POLRMT: variants seen among roughly 807,000 people sequenced by gnomAD.
POLRMT encodes the protein RNA polymerase mitochondrial.
Under a neutral mutation model 132.2 loss-of-function variants are expected in POLRMT, and 114 were observed. The ratio of observed to expected loss-of-function variants is 0.86; its 90% CI spans 0.74 to 1.01. The LOEUF is 1.01. Ranked by LOEUF, POLRMT falls within the 50% of genes least tolerant of loss-of-function variation. The probability of loss-of-function intolerance (pLI) is 0.00; values close to 1 mark genes in which losing one functional copy is unlikely to be tolerated. For missense variants in POLRMT, 2,003 were observed against 1,729.1 expected, an observed-to-expected ratio of 1.16 and a Z score of -2.81; for synonymous variants, 1,020 against 773.4, an observed-to-expected ratio of 1.32 and a Z score of -5.29.
intron 3 of POLRMT, among the ~76,000 whole-genome samples, chr19:629,236 C>T (rs1005884331): frequency 6.6e-5 from 10 of 152,042 alleles, no homozygotes; most frequent in Non-Finnish European, 1.3e-4. Context: ...CTCATCCTGA[C>T]GAGGGCTCTG....
At chr19:624,683 A>G (rs2285853) in intron 5 of POLRMT, 36 bp downstream of exon 5, 790,287 of 1,591,452 alleles carry the variant, frequency 0.5, 202,322 homozygotes, top group South Asian at 0.74. Context: ...GGGCAGCTAT[A>G]AGGACTGAAG....
chr19:618,517 G>A lies in POLRMT; in HGVS notation c.3393C>T (p.His1131=), dbSNP rs1193115271. The part of the protein sequence containing the change: ...PNFIHSLDSS[H]MMLTALHCYR... The stretch of plus-strand genomic sequence containing the variant: ...AGCAGTGCAGGGCGGTGAGCATCAT[G>A]TGGGAGGAGTCCAGCGAGTGGATGA... The change falls in exon 17 of 21, where the codon CAC becomes CAT. Residue 1131 remains histidine (H), a synonymous_variant. Transcript: ENST00000588649. 33 of 1,612,894 alleles carry A rather than the reference G, an allele frequency of 2.0e-5. No homozygotes were observed. Among genetic ancestry groups the A allele is most frequent in the Non-Finnish European group, 2.6e-5 (31 of 1,179,346 alleles).
rs759788938 is a variant in POLRMT at position 619,644 on chromosome 19, C to T, written c.3008G>A (p.Arg1003His). ...CTCAATCTGCAGGCGCCCGCCATAGCGCGTGACCCCGTACACCACCGTCAT... is the reference window on the plus strand; with the variant it reads ...CTCAATCTGCAGGCGCCCGCCATAGTGCGTGACCCCGTACACCACCGTCAT... ...TVMTVVYGVT[R>H]YGGRLQIEKR... Residue 1003 changes from arginine to histidine, a missense_variant, in exon 13 of 21, where the codon CGC (arginine) becomes CAC (histidine). Arg to His is a conservative substitution (Grantham distance 29). Transcript: ENST00000588649. The T allele has an allele frequency of 5.6e-6, 9 of 1,610,702 alleles. No homozygotes were observed. Among genetic ancestry groups the T allele is most frequent in the African/African-American group, 2.7e-5 (2 of 74,848 alleles).
In POLRMT at chr19:617,354, T is replaced by C. The variant is rs201291168; in HGVS notation, c.3644-31A>G. On this transcript the variant is annotated intron_variant, in intron 20 of 20. Transcript: ENST00000588649. ...GAGGAAGCAGAGCGGACGGCGTGGGTGGCGGGAAAGCCCCGCCCTGGCCCG... is the reference window on the plus strand; with the variant it reads ...GAGGAAGCAGAGCGGACGGCGTGGGCGGCGGGAAAGCCCCGCCCTGGCCCG... 936 of 1,612,466 alleles carry C rather than the reference T, an allele frequency of 5.8e-4. 7 individuals are homozygous for C. The highest frequency in any genetic ancestry group is 4.5e-3 in the South Asian group (410 of 91,064).
Position 621,191 on chromosome 19 carries a change from TGCGGGCCGA to T in POLRMT, c.2498_2506del (p.Leu833_Pro835del), listed in dbSNP as rs774972317. On this transcript the variant is annotated inframe_deletion, in exon 10 of 21. Transcript: ENST00000588649. Reference sequence around the variant, plus strand: ...GTGGATCTTGAGCCAATCCAGGCCGTGCGGGCCGAGCGGGCGGCCCTGGGCGAACTCCAG... The same window carrying T: ...GTGGATCTTGAGCCAATCCAGGCCGTGCGGGCGGCCCTGGGCGAACTCCAG... 1.2e-5 allele frequency: 19 copies of T among 1,610,220 alleles called. No individual in the cohort carries two copies. Among genetic ancestry groups the T allele is most frequent in the African/African-American group, 2.7e-5 (2 of 74,634 alleles).
In POLRMT at chr19:618,509, A is replaced by C. The variant is rs1306831089; in HGVS notation, c.3401T>G (p.Leu1134Arg). ...CCACCTGTAGCAGTGCAGGGCGGTG[A>C]GCATCATGTGGGAGGAGTCCAGCGA... ...IHSLDSSHMM[L>R]TALHCYRKGL... The change falls in exon 17 of 21, where the codon CTC becomes CGC. Residue 1134 changes from leucine (L) to arginine (R), a missense_variant. By Grantham distance (102) the Leu-to-Arg change is moderately radical. Coordinates refer to ENST00000588649, the MANE Select transcript of POLRMT (RefSeq NM_005035.4). The C allele has an allele frequency of 1.9e-6, 3 of 1,612,288 alleles. No homozygotes were observed. The highest frequency in any genetic ancestry group is 1.7e-5 in the Admixed American group (1 of 59,920).
intron 3 of POLRMT, 109 bp downstream of exon 3, chr19:629,431 A>C: frequency 2.6e-6 from 3 of 1,136,988 alleles, no homozygotes; most frequent in Middle Eastern, 3.3e-4. Flanking sequence ...TAAAATAAAA[A>C]ACAAAGGACT....
intron 3 of POLRMT, among the ~76,000 whole-genome samples, chr19:626,202 G>A (rs1239065278): frequency 6.6e-6 from 1 of 151,898 alleles, no homozygotes. Context: ...CCAGGCTGGA[G>A]TGCAGTGGCG....
rs1984247045 is a variant in POLRMT at position 618,879 on chromosome 19, G to GGGTGGCACACTGGGGC, written c.3267+102_3267+117dup. ...GATGGTGGCACACTGGCGCGGGATG[G>GGGTGGCACACTGGGGC]GGTGGCACACTGGGGCGGTGGTACA... On this transcript the variant is annotated intron_variant, in intron 15 of 20. Transcript: ENST00000588649. The GGGTGGCACACTGGGGC allele has an allele frequency of 5.1e-6, 7 of 1,373,092 alleles. No homozygotes were observed. The South Asian group carries it at 9.0e-5, about 18-fold the overall frequency. 85.1% of individuals were successfully genotyped at this position (1,373,092 alleles called of 1,614,324 possible).
intron 3 of POLRMT, among the ~76,000 whole-genome samples, chr19:627,082 C>A (rs1191959766): frequency 6.6e-6 from 1 of 151,550 alleles, no homozygotes; most frequent in Non-Finnish European, 1.5e-5. Context: ...CATAGTCCTG[C>A]AGCTGAAGAC....
intron 16 of POLRMT, 22 bp from the exon 17 acceptor site, chr19:618,608 G>A: frequency 1.2e-6 from 2 of 1,603,606 alleles, no homozygotes; most frequent in Non-Finnish European, 1.7e-6. Context: ...ACAGGTGCCG[G>A]TGGGGGCGGC....
At position 618,508 on chromosome 19, in the gene POLRMT, G is replaced by C. The variant is rs141105845; in HGVS notation, c.3402C>G (p.Leu1134=). Residue 1134 remains leucine (L), a synonymous_variant, in exon 17 of 21, where the codon CTC becomes CTG. Transcript: ENST00000588649. ...CCCACCTGTAGCAGTGCAGGGCGGT[G>C]AGCATCATGTGGGAGGAGTCCAGCG... ...IHSLDSSHMM[L]TALHCYRKGL... is the part of the protein sequence containing the mutation. 19 of 1,612,284 alleles carry C rather than the reference G, an allele frequency of 1.2e-5. No individual in the cohort carries two copies. The African/African-American group carries it at 2.0e-4, about 17-fold the overall frequency.
rs1984940237 is a variant in POLRMT, at chr19:625,214, T to C, written c.863A>G (p.Lys288Arg). 1.2e-6 allele frequency: 2 copies of C among 1,613,958 alleles called. No individual in the cohort carries two copies. The highest frequency in any genetic ancestry group is 1.7e-5 in the Admixed American group (1 of 60,008). The change falls in exon 4 of 21, where the codon AAG becomes AGG. Residue 288 changes from lysine (K) to arginine (R), a missense_variant. By Grantham distance (26) the Lys-to-Arg change is conservative. Transcript: ENST00000588649. ...KELVYVLFMV[K>R]DAGLTPDLLS... ...CAGGTCCGGAGTCAAGCCGGCATCC[T>C]TCACCATGAATAACACATATACCAG...
In POLRMT at chr19:629,793, T is replaced by G. The variant is rs1568176070; in HGVS notation, c.569A>C (p.Gln190Pro). ...RQAPESPWEE[Q>P]LARLLQEAPG... ...GGCCTCCTGCAGCAGCCGGGCCAGCTGCTCCTCCCAGGGGCTCTCGGGGGC... is the reference window on the plus strand; with the variant it reads ...GGCCTCCTGCAGCAGCCGGGCCAGCGGCTCCTCCCAGGGGCTCTCGGGGGC... Residue 190 changes from glutamine (Q) to proline (P), a missense_variant, in exon 3 of 21, where the codon CAG (glutamine) becomes CCG (proline). Physicochemically the swap from Gln to Pro is moderately conservative, Grantham distance 76. Coordinates refer to ENST00000588649, the MANE Select transcript of POLRMT (RefSeq NM_005035.4). 1 of 1,574,186 alleles carries G rather than the reference T, an allele frequency of 6.4e-7. No individual in the cohort carries two copies. The highest frequency in any genetic ancestry group is 8.6e-7 in the Non-Finnish European group (1 of 1,160,964).
chr19:622,587 C>G lies in POLRMT; in HGVS notation c.1621G>C (p.Ala541Pro). ...AGAGGGGGTGCGAGCCTCACCTCGG[C>G]GTCGGAGGCCAGCAAGCAGAGGTAC... ...RKYLCLLASD[A>P]EVPEPCLPRQ... The change falls in exon 8 of 21, where the codon GCC (alanine) becomes CCC (proline). Residue 541 changes from alanine (A) to proline (P), a missense_variant. Coordinates refer to ENST00000588649, the MANE Select transcript of POLRMT (RefSeq NM_005035.4). 1 of 1,599,632 alleles carries G rather than the reference C, an allele frequency of 6.3e-7. No individual in the cohort carries two copies. The highest frequency in any genetic ancestry group is 8.5e-7 in the Non-Finnish European group (1 of 1,173,142).
chr19:624,949 C>A (rs1336814896), intron 4 of POLRMT, 44 bp from the exon 5 acceptor site: 2 of 1,571,682 alleles, frequency 1.3e-6, no homozygotes, highest in South Asian at 1.2e-5. Flanking sequence ...CAGCCCCACG[C>A]TGGGCTTCCA....
chr19:631,291 G>A (rs1053987082), intron 2 of POLRMT, among the ~76,000 whole-genome samples: 4 of 145,546 alleles, frequency 2.7e-5, no homozygotes, highest in African/African-American at 5.0e-5. Context: ...TCAGGCCACC[G>A]TGCTGCAGCC....
In POLRMT at chr19:630,186, C is replaced by CGAG. The variant is rs1395245145; in HGVS notation, c.194-21_194-19dup. ...CTGGAGCACTGTGAGGGGCAGAAGG[C>CGAG]GAGGACATGAGAGGGACCCCCTCCC... On this transcript the variant is annotated intron_variant, in intron 2 of 20. Coordinates refer to ENST00000588649, the MANE Select transcript of POLRMT (RefSeq NM_005035.4). 3 of 1,564,706 alleles carry CGAG rather than the reference C, an allele frequency of 1.9e-6. No homozygotes were observed. The African/African-American group carries it at 4.1e-5, about 21-fold the overall frequency.
In POLRMT at chr19:632,868, G is replaced by C. The variant is rs1250384568; in HGVS notation, c.159C>G (p.Arg53=). 2 of 1,553,408 alleles carry C rather than the reference G, an allele frequency of 1.3e-6. No homozygotes were observed. The highest frequency in any genetic ancestry group is 1.7e-6 in the Non-Finnish European group (2 of 1,152,842). The change falls in exon 2 of 21, where the codon CGC becomes CGG. Residue 53 remains arginine, a synonymous_variant. Coordinates refer to ENST00000588649, the MANE Select transcript of POLRMT (RefSeq NM_005035.4). ...SASPQEQDQD[R]RKDWGHVELL... is the part of the protein sequence containing the mutation. The stretch of plus-strand genomic sequence containing the variant: ...GCTCCACGTGGCCCCAGTCCTTCCT[G>C]CGGTCTTGGTCTTGCTCCTGGGGGC...
Sources: allele counts gnomAD v4.1 joint callset (sites outside exome capture counted in the v4.1 genomes callset), GRCh38; gene constraint gnomAD v4.1.1; transcripts MANE v1.5; gene names NCBI Gene and HGNC (gene_info 2026-07-23, HGNC 2026-07-21).